The following IFT80 variants were observed in gnomAD, a reference collection of about 807,000 sequenced individuals.
The protein encoded by IFT80 is intraflagellar transport 80.
Under a neutral mutation model 107.9 loss-of-function variants are expected in IFT80, and 79 were observed. That is an observed-to-expected ratio of 0.73 (90% confidence interval 0.61 to 0.88). The LOEUF (loss-of-function observed/expected upper bound fraction) is 0.88, where lower values mean the gene tolerates loss of function less well. IFT80 is among the 40% of genes least tolerant of loss of function. The pLI is 0.00. For synonymous variants in IFT80, 299 were observed against 300.9 expected (o/e 0.99, Z 0.07); for missense variants, 797 against 914.2 (o/e 0.87, Z 1.65).
intron 8 of IFT80, among the ~76,000 whole-genome samples, chr3:160,351,598 T>C (rs2108353080): frequency 6.8e-6 from 1 of 147,088 alleles, no homozygotes; most frequent in Non-Finnish European, 1.5e-5. Flanking sequence ...ATATATAATA[T>C]ATATATTTGT....
rs1189005346 is a variant in IFT80 at position 160,366,108 on chromosome 3, C to T, written c.484G>A (p.Val162Ile). The change falls in exon 6 of 20, where the codon GTT becomes ATT. Residue 162 changes from valine to isoleucine, a missense_variant. Physicochemically the swap from Val to Ile is conservative, Grantham distance 29. Coordinates refer to ENST00000326448, the MANE Select transcript of IFT80 (RefSeq NM_020800.3). The stretch of plus-strand genomic sequence containing the variant: ...AGCTGCTTGCCTGCTGTATAAAGAA[C>T]CTTTTCTGAATCAGGGCCCCACGCT... ...SVAWGPDSEKVLYTAGKQLII... is the reference protein window; with the variant it reads ...SVAWGPDSEKILYTAGKQLII... 6.2e-7 allele frequency: 1 copy of T among 1,612,626 alleles called. No homozygotes were observed. Among genetic ancestry groups the T allele is most frequent in the African/African-American group, 1.3e-5 (1 of 74,754 alleles).
chr3:160,338,213 G>T (rs1251042569), intron 8 of IFT80, among the ~76,000 whole-genome samples: 1 of 152,106 alleles, frequency 6.6e-6, no homozygotes, highest in South Asian at 2.1e-4. Context: ...AGTTCCTAGG[G>T]CATGGATAAA....
rs1712474398 is a variant in IFT80, at chr3:160,257,727, C to G, written c.*798G>C. ...AGAATTTGTTCATCCCAAACAGAAA[C>G]TATGTACTCGTTAAACAATAACCCC... On this transcript the variant is annotated 3_prime_UTR_variant, in exon 20 of 20. Coordinates refer to ENST00000326448, the MANE Select transcript of IFT80 (RefSeq NM_020800.3). The G allele has an allele frequency of 6.6e-6, 1 of 152,180 alleles. No individual in the cohort carries two copies. Among genetic ancestry groups the G allele is most frequent in the African/African-American group, 2.4e-5 (1 of 41,434 alleles). The allele number at this position is 152,180 out of a possible 1,614,324, so 9.4% of individuals were successfully genotyped here. A position where few individuals can be genotyped will look rare whatever the true frequency, so the allele number is the denominator to read the frequency against.
chr3:160,368,836 C>A (rs1343614975), intron 5 of IFT80, among the ~76,000 whole-genome samples: 1 of 151,898 alleles, frequency 6.6e-6, no homozygotes, highest in Admixed American at 6.6e-5. Context: ...CATAAATACA[C>A]TCAGTAAAAT....
At chr3:160,323,774 A>C (rs553027290) in intron 8 of IFT80, among the ~76,000 whole-genome samples, 1 of 152,010 alleles carries the variant, frequency 6.6e-6, no homozygotes, top group Non-Finnish European at 1.5e-5. Flanking sequence ...AAATAACTAA[A>C]ATCAGAGCAG....
At chr3:160,310,551 A>G (rs1190154435) in intron 9 of IFT80, among the ~76,000 whole-genome samples, 2 of 152,224 alleles carry the variant, frequency 1.3e-5, no homozygotes, top group African/African-American at 2.4e-5. Context: ...TGTGGAAGGA[A>G]TCACAGAATT....
intron 12 of IFT80, among the ~76,000 whole-genome samples, chr3:160,287,283 T>C (rs909254078): frequency 9.9e-5 from 15 of 152,282 alleles, no homozygotes; most frequent in African/African-American, 3.4e-4. Context: ...CTTGAAGGCA[T>C]TGTGGGAACC....
chr3:160,378,240 TAAA>T, intron 3 of IFT80, among the ~76,000 whole-genome samples: 1 of 133,776 alleles, frequency 7.5e-6, no homozygotes, highest in African/African-American at 2.7e-5. Flanking sequence ...TTATAGCCTA[TAAA>T]AAAAAAAAAA....
At chr3:160,356,204 A>G in intron 7 of IFT80, 54 bp from the exon 8 acceptor site, 5 of 1,406,020 alleles carry the variant, frequency 3.6e-6, no homozygotes, top group Non-Finnish European at 4.9e-6. Context: ...AGTTTGCAAA[A>G]ACTAAAAGAA....
chr3:160,349,715 A>T (rs1430364053), intron 8 of IFT80, among the ~76,000 whole-genome samples: 1 of 152,202 alleles, frequency 6.6e-6, no homozygotes, highest in Non-Finnish European at 1.5e-5. Flanking sequence ...GAAAACATGT[A>T]CTTTTTAAAA....
At chr3:160,323,073 G>GC (rs1718384642) in intron 8 of IFT80, among the ~76,000 whole-genome samples, 2 of 149,778 alleles carry the variant, frequency 1.3e-5, no homozygotes. Context: ...GGCTTTTGTT[G>GC]CCATTGCTTT....
intron 10 of IFT80, among the ~76,000 whole-genome samples, chr3:160,304,536 C>A (rs370111013): frequency 6.6e-6 from 1 of 150,960 alleles, no homozygotes; most frequent in Non-Finnish European, 1.5e-5. Flanking sequence ...CCCAGGTTCA[C>A]GCCATTCTCC....
chr3:160,352,736 T>C (rs1342112227), intron 8 of IFT80, among the ~76,000 whole-genome samples: 1 of 152,168 alleles, frequency 6.6e-6, no homozygotes, highest in African/African-American at 2.4e-5. Flanking sequence ...CATCACATCA[T>C]GAAAGGGCAT....
chr3:160,286,720 C>T (rs1481073281), intron 12 of IFT80, among the ~76,000 whole-genome samples: 1 of 152,098 alleles, frequency 6.6e-6, no homozygotes, highest in Non-Finnish European at 1.5e-5. Flanking sequence ...AACAATAGAC[C>T]ATCATATTCC....
intron 1 of IFT80, among the ~76,000 whole-genome samples, chr3:160,395,848 A>G (rs1467023162): frequency 6.6e-6 from 1 of 152,160 alleles, no homozygotes; most frequent in African/African-American, 2.4e-5. Context: ...TCTCAAGACA[A>G]TTTGGATTGG....
At chr3:160,382,050 CA>C (rs1272762484) in intron 2 of IFT80, among the ~76,000 whole-genome samples, 1 of 151,716 alleles carries the variant, frequency 6.6e-6, no homozygotes, top group Non-Finnish European at 1.5e-5. Flanking sequence ...CTTAGTAGAT[CA>C]AAAGGTATCA....
At chr3:160,315,917 A>G (rs773038861) in intron 9 of IFT80, among the ~76,000 whole-genome samples, 1 of 152,150 alleles carries the variant, frequency 6.6e-6, no homozygotes, top group Non-Finnish European at 1.5e-5. Flanking sequence ...TCATATGTAT[A>G]AGAGTAGGTT....
intron 19 of IFT80, among the ~76,000 whole-genome samples, chr3:160,268,108 GA>G (rs1360163709): frequency 6.6e-6 from 1 of 152,148 alleles, no homozygotes; most frequent in African/African-American, 2.4e-5. Flanking sequence ...TGAAATTTAA[GA>G]GTTAGAAGCT....
intron 3 of IFT80, 82 bp from the exon 4 acceptor site, chr3:160,377,622 A>G (rs1248355155): frequency 1.4e-6 from 1 of 690,616 alleles, no homozygotes; most frequent in Non-Finnish European, 2.6e-6. Context: ...AATAGGCACT[A>G]AAGGCATAAA....
Sources: gnomAD v4.1 joint callset for allele counts (sites outside exome capture counted in the v4.1 genomes callset) on GRCh38, gnomAD v4.1.1 for gene constraint, MANE v1.5 for transcripts, NCBI Gene and HGNC (gene_info 2026-07-23, HGNC 2026-07-21) for gene names.